The following SYNE2 variants were observed in gnomAD, a reference collection of about 807,000 sequenced individuals.
The protein encoded by SYNE2 is spectrin repeat containing nuclear envelope protein 2, also known as nesprin-2.
In SYNE2, 431 loss-of-function variants were observed where a neutral mutation model predicts 856.3. That is an observed-to-expected ratio of 0.50 (90% confidence interval 0.47 to 0.55). The LOEUF is 0.55. SYNE2 is among the 20% of genes least tolerant of loss of function. The pLI, the probability that SYNE2 is intolerant of heterozygous loss-of-function variation, is 0.00. For synonymous variants in SYNE2, 2,923 were observed against 2,872.3 expected (o/e 1.02, Z -0.56); for missense variants, 8,129 against 8,023.2 (o/e 1.01, Z -0.50).
intron 22 of SYNE2, 43 bp downstream of exon 22, chr14:63,994,012 C>G: frequency 1.2e-6 from 2 of 1,604,060 alleles, no homozygotes; most frequent in Non-Finnish European, 1.7e-6. Context: ...TTTTATATGT[C>G]TGATCCTGGG....
chr14:63,790,292 T>C, intron 1 of SYNE2, among the ~76,000 whole-genome samples: 1 of 151,066 alleles, frequency 6.6e-6, no homozygotes, highest in Admixed American at 6.6e-5. Flanking sequence ...GCTGTGATTG[T>C]ACCACTGCAA....
In SYNE2 at chr14:64,065,467, G is replaced by A. The variant is rs371576949; in HGVS notation, c.10248G>A (p.Glu3416=). Residue 3416 remains glutamate, a synonymous_variant, in exon 51 of 116, where the codon GAG becomes GAA. Transcript: ENST00000555002. The part of the protein sequence containing the change: ...LVSNLISTKE[E]LMKLRQILRL... ...CAAATCTTATATCAACCAAAGAAGA[G>A]TTAATGAAACTACGACAGATCCTTA... The A allele has an allele frequency of 4.8e-5, 77 of 1,614,022 alleles. No individual in the cohort carries two copies. The highest frequency in any genetic ancestry group is 5.8e-5 in the Non-Finnish European group (68 of 1,180,048).
chr14:64,128,372 A>G (rs1380454281), intron 73 of SYNE2, 80 bp from the exon 74 acceptor site: 2 of 785,888 alleles, frequency 2.5e-6, no homozygotes, highest in African/African-American at 3.5e-5. Context: ...TGTCACAAAA[A>G]TTATAAAAAC....
At chr14:64,075,702 CTT>C (rs2097453024) in intron 53 of SYNE2, 1 of 447,214 alleles carries the variant, frequency 2.2e-6, no homozygotes, top group Admixed American at 3.5e-5. Flanking sequence ...GTTGTAATGT[CTT>C]TTCTAGATAA....
At chr14:63,913,425 C>CAT (rs971812383) in intron 2 of SYNE2, among the ~76,000 whole-genome samples, 1 of 150,322 alleles carries the variant, frequency 6.7e-6, no homozygotes, top group Non-Finnish European at 1.5e-5. Flanking sequence ...TTTATTTATT[C>CAT]ATATATATAT....
intron 1 of SYNE2, among the ~76,000 whole-genome samples, chr14:63,870,764 A>G (rs1299477698): frequency 6.6e-6 from 1 of 151,888 alleles, no homozygotes; most frequent in Non-Finnish European, 1.5e-5. Context: ...TTTAACCACT[A>G]CACTATACCA....
chr14:63,925,187 T>C (rs2153384865), intron 2 of SYNE2, among the ~76,000 whole-genome samples: 1 of 152,108 alleles, frequency 6.6e-6, no homozygotes, highest in Non-Finnish European at 1.5e-5. Context: ...CCAGGTGTGG[T>C]GGCTCATGCC....
At chr14:64,159,823 G>A (rs2098314299) in intron 87 of SYNE2, among the ~76,000 whole-genome samples, 1 of 152,168 alleles carries the variant, frequency 6.6e-6, no homozygotes, top group African/African-American at 2.4e-5. Context: ...AACATTATAA[G>A]GTGGAAGAAA....
intron 1 of SYNE2, among the ~76,000 whole-genome samples, chr14:63,829,942 A>G (rs1443317158): frequency 6.6e-6 from 1 of 152,116 alleles, no homozygotes; most frequent in African/African-American, 2.4e-5. Context: ...TAATAGCCCA[A>G]AGGTGTAAAA....
At position 64,087,720 on chromosome 14, in the gene SYNE2, T is replaced by C. The variant is rs981146324; in HGVS notation, c.11534T>C (p.Phe3845Ser). Residue 3845 changes from phenylalanine (F) to serine (S), a missense_variant, in exon 58 of 116, where the codon TTT (phenylalanine) becomes TCT (serine). Physicochemically the swap from Phe to Ser is radical, Grantham distance 155. Around this residue, in one of 3 missense-constraint regions of SYNE2, gnomAD observed 5,410 missense variants for 5,284.8 expected, o/e 1.02. Transcript: ENST00000555002. ...AAGCACAATCTTTTACATTCAATCT[T>C]TATGGATCTAGAAGACCTGTCAATA... Reference protein sequence around the residue: ...EQKHNLLHSIFMDLEDLSIIF... With the variant: ...EQKHNLLHSISMDLEDLSIIF... 5.6e-6 allele frequency: 9 copies of C among 1,614,050 alleles called. No individual in the cohort carries two copies. The highest frequency in any genetic ancestry group is 7.6e-6 in the Non-Finnish European group (9 of 1,180,030).
chr14:64,202,063 T>C (rs1032001304), intron 99 of SYNE2: 22 of 648,996 alleles, frequency 3.4e-5, no homozygotes, highest in African/African-American at 1.1e-4. Flanking sequence ...ACTCATGCCA[T>C]GCGTGTGCTT....
rs1042995919 is a variant in SYNE2 at position 64,163,586 on chromosome 14, A to G, written c.16479+5A>G. 3 of 1,613,946 alleles carry G rather than the reference A, an allele frequency of 1.9e-6. No individual in the cohort carries two copies. Among genetic ancestry groups the G allele is most frequent in the Non-Finnish European group, 2.5e-6 (3 of 1,180,032 alleles). ...GTGAAAGCAAATGAATTTGAGGTTCATCTTTTCTTTCCATTCAAGTTTTAG... is the reference window on the plus strand; with the variant it reads ...GTGAAAGCAAATGAATTTGAGGTTCGTCTTTTCTTTCCATTCAAGTTTTAG... On this transcript the variant is annotated splice_donor_5th_base_variant and intron_variant, in intron 89 of 115. Coordinates refer to ENST00000555002, the MANE Select transcript of SYNE2 (RefSeq NM_182914.3).
chr14:63,948,782 G>GTGTATATATA (rs1454688156), intron 6 of SYNE2, among the ~76,000 whole-genome samples: 14 of 43,884 alleles, frequency 3.2e-4, no homozygotes, highest in South Asian at 7.9e-4. Flanking sequence ...ATGTGTGTGT[G>GTGTATATATA]TATATATATA....
chr14:64,150,680 G>T (rs2098234230), intron 84 of SYNE2, among the ~76,000 whole-genome samples: 1 of 152,214 alleles, frequency 6.6e-6, no homozygotes, highest in African/African-American at 2.4e-5. Context: ...AATCTAGTTA[G>T]TCAAGCCTTT....
intron 1 of SYNE2, among the ~76,000 whole-genome samples, chr14:63,816,964 C>T (rs778375953): frequency 5.0e-4 from 76 of 152,250 alleles, no homozygotes; most frequent in Non-Finnish European, 6.0e-4. Flanking sequence ...GTACTTCAGC[C>T]TTGAACTCCT....
chr14:63,923,154 G>A (rs935717716), intron 2 of SYNE2, among the ~76,000 whole-genome samples: 1 of 152,234 alleles, frequency 6.6e-6, no homozygotes, highest in Non-Finnish European at 1.5e-5. Context: ...TGAATCAGAA[G>A]AGTGTGAGAA....
At chr14:64,208,978 G>T (rs745620123) in intron 101 of SYNE2, 33 bp downstream of exon 101, 2 of 1,606,012 alleles carry the variant, frequency 1.2e-6, no homozygotes, top group South Asian at 1.1e-5. Flanking sequence ...TGCCTTCAGC[G>T]TGGTCAGCCG....
rs756032422 is a variant in SYNE2 at position 64,089,711 on chromosome 14, T to C, written c.11793+15T>C. 1 of 1,536,232 alleles carries C rather than the reference T, an allele frequency of 6.5e-7. No individual in the cohort carries two copies. Among genetic ancestry groups the C allele is most frequent in the Admixed American group, 1.7e-5 (1 of 59,504 alleles). On this transcript the variant is annotated intron_variant, in intron 59 of 115. Coordinates refer to ENST00000555002, the MANE Select transcript of SYNE2 (RefSeq NM_182914.3). ...AACATGGGGAGGTAAGCATAGATTATTATTTAAAGTATTTTCTTATGATAC... is the reference window on the plus strand; with the variant it reads ...AACATGGGGAGGTAAGCATAGATTACTATTTAAAGTATTTTCTTATGATAC...
In SYNE2 at chr14:63,794,079, T is replaced by A. The variant is rs112726136; in HGVS notation, c.-305+32093T>A. Reference sequence around the variant, plus strand: ...GGATACAGATTTGCTTAGAAAAAAATTATAAACATATATCCTTCTAACAAC... The same window carrying A: ...GGATACAGATTTGCTTAGAAAAAAAATATAAACATATATCCTTCTAACAAC... On this transcript the variant is annotated intron_variant, in intron 1 of 23. Transcript: ENST00000674003. Among the ~76,000 whole-genome samples the A allele has an allele frequency of 5.7e-3, 868 of 152,230 alleles. 5 individuals are homozygous for A. The highest frequency in any genetic ancestry group is 0.019 in the African/African-American group (802 of 41,538).
Sources: allele counts gnomAD v4.1 joint callset (sites outside exome capture counted in the v4.1 genomes callset), GRCh38; gene constraint gnomAD v4.1.1; regional missense constraint gnomAD v4.1.1; transcripts MANE v1.5; gene names NCBI Gene and HGNC (gene_info 2026-07-23, HGNC 2026-07-21).